The following KLHL25 variants were observed in gnomAD, a reference collection of about 807,000 sequenced individuals.
KLHL25 encodes kelch like family member 25.
In KLHL25, 41 loss-of-function variants were observed where a neutral mutation model predicts 30.0. That is an observed-to-expected ratio of 1.37 (90% CI 1.07 to 1.78). The LOEUF is 1.78. Ranked by LOEUF, KLHL25 falls within the 40% of genes most tolerant of loss-of-function variation. The pLI is 0.00. For missense variants in KLHL25, 971 were observed against 824.5 expected (o/e 1.18, Z -2.18); for synonymous variants, 399 against 355.3 (o/e 1.12, Z -1.38).
Position 85,768,770 on chromosome 15 carries a change from G to A in KLHL25, c.1041C>T (p.Gly347=). The part of the protein sequence containing the change: ...AIGCKVYVTG[G]RGSENGVSKD... ...TGGAGACCCCGTTCTCGGAGCCCCTGCCCCCCGTCACATAGACCTTGCAGC... is the reference window on the plus strand; with the variant it reads ...TGGAGACCCCGTTCTCGGAGCCCCTACCCCCCGTCACATAGACCTTGCAGC... The change falls in exon 2 of 3, where the codon GGC becomes GGT. Residue 347 remains glycine (G), a synonymous_variant. Coordinates refer to ENST00000337975, the MANE Select transcript of KLHL25 (RefSeq NM_022480.4). 1 of 1,612,976 alleles carries A rather than the reference G, an allele frequency of 6.2e-7. No homozygotes were observed. Among genetic ancestry groups the A allele is most frequent in the South Asian group, 1.1e-5 (1 of 91,078 alleles).
Position 85,789,147 on chromosome 15 carries a change from G to A in KLHL25, c.-11+5619C>T, listed in dbSNP as rs1414181780. Among the ~76,000 whole-genome samples, 1 of 145,774 alleles carries A rather than the reference G, an allele frequency of 6.9e-6. No homozygotes were observed. Among genetic ancestry groups the A allele is most frequent in the Non-Finnish European group, 1.5e-5 (1 of 64,904 alleles). ...CAAAAAATGTAAGCAAGGCTTTTTT[G>A]TCTCCATCCTTTCCCTGCATCCTAC... On this transcript the variant is annotated intron_variant, in intron 1 of 2. Transcript: ENST00000337975. This position sits in a 1 kb window ranked among gnomAD's most constrained non-coding sequence, Gnocchi z 4.1.
intron 1 of KLHL25, among the ~76,000 whole-genome samples, chr15:85,794,397 C>T (rs34362339): frequency 0.2 from 30,147 of 152,284 alleles, 3,155 homozygotes; most frequent in Middle Eastern, 0.3. Flanking sequence ...GACAAGCAGT[C>T]TCTCTTTCCA....
chr15:85,769,960 C>A (rs2089660130), intron 1 of KLHL25, 140 bp from the exon 2 acceptor site: 2 of 704,140 alleles, frequency 2.8e-6, no homozygotes, highest in African/African-American at 1.8e-5. Context: ...CCCTCTCCCG[C>A]AACCACGTTG....
intron 1 of KLHL25, among the ~76,000 whole-genome samples, chr15:85,774,790 T>C (rs994419847): frequency 6.6e-6 from 1 of 152,026 alleles, no homozygotes. Context: ...AAATTATCTC[T>C]GGAGCTCAGG....
At chr15:85,770,665 C>A (rs954727268) in intron 1 of KLHL25, 2 of 441,960 alleles carry the variant, frequency 4.5e-6, no homozygotes, top group African/African-American at 2.0e-5. Flanking sequence ...CATGCCGAAC[C>A]CTAACGGAAG....
chr15:85,786,197 C>T (rs2542607), intron 1 of KLHL25, among the ~76,000 whole-genome samples: 41,221 of 152,016 alleles, frequency 0.27, 5,873 homozygotes, highest in South Asian at 0.38. Context: ...CTTGGTTACC[C>T]TCTCCCTTCC....
chr15:85,761,772 C>G (rs2089584858), intron 2 of KLHL25: 1 of 152,284 alleles, frequency 6.6e-6, no homozygotes, highest in Admixed American at 6.5e-5. Context: ...CCTGAGTGTT[C>G]ATGCACTCCA....
At chr15:85,781,206 G>A (rs550569817) in intron 1 of KLHL25, among the ~76,000 whole-genome samples, 79 of 152,242 alleles carry the variant, frequency 5.2e-4, no homozygotes, top group African/African-American at 1.5e-3. Flanking sequence ...ATCCCAGCCC[G>A]TATCAATGAA....
intron 1 of KLHL25, among the ~76,000 whole-genome samples, chr15:85,785,339 T>C (rs1225027815): frequency 6.6e-6 from 1 of 152,186 alleles, no homozygotes; most frequent in Non-Finnish European, 1.5e-5. Context: ...GTGATCTGCC[T>C]GCCTCAGCCT....
chr15:85,791,892 G>A (rs552869216), intron 1 of KLHL25, among the ~76,000 whole-genome samples: 2 of 152,250 alleles, frequency 1.3e-5, no homozygotes, highest in African/African-American at 4.8e-5. Flanking sequence ...CCCCAGTCTG[G>A]TGCCAAAGCC....
rs752546527 is a variant in KLHL25 at position 85,769,496 on chromosome 15, G to C, written c.315C>G (p.Ala105=). 1.9e-6 allele frequency: 3 copies of C among 1,614,046 alleles called. No individual in the cohort carries two copies. The highest frequency in any genetic ancestry group is 2.2e-5 in the East Asian group (1 of 44,888). ...PEVLELLLDF[A]YSSRIAINEE... is the part of the protein sequence containing the mutation. ...CGTTGATGGCGATGCGTGAGGAGTA[G>C]GCAAAGTCCAGCAGCAGCTCCAGCA... The change falls in exon 2 of 3, where the codon GCC becomes GCG. Residue 105 remains alanine, a synonymous_variant. Transcript: ENST00000337975.
At chr15:85,772,444 T>C (rs2089682511) in intron 1 of KLHL25, among the ~76,000 whole-genome samples, 3 of 152,224 alleles carry the variant, frequency 2.0e-5, no homozygotes, top group Admixed American at 6.5e-5. Context: ...GAACGGCAGC[T>C]TGAATGCCTG....
At chr15:85,767,955 G>A (rs1243571860) in intron 2 of KLHL25, 62 bp downstream of exon 2, 4 of 1,079,428 alleles carry the variant, frequency 3.7e-6, no homozygotes, top group African/African-American at 1.6e-5. Context: ...GGGAAGAGGT[G>A]GGACTGCATT....
At chr15:85,792,018 C>T (rs935216051) in intron 1 of KLHL25, among the ~76,000 whole-genome samples, 4 of 152,178 alleles carry the variant, frequency 2.6e-5, no homozygotes, top group African/African-American at 9.7e-5. Context: ...TTTCTAACAG[C>T]CCCAGAAGGA....
In KLHL25 at chr15:85,768,760, C is replaced by T. The variant is rs368156822; in HGVS notation, c.1051G>A (p.Glu351Lys). 5.4e-5 allele frequency: 87 copies of T among 1,612,890 alleles called. No individual in the cohort carries two copies. The highest frequency in any genetic ancestry group is 6.7e-5 in the Non-Finnish European group (79 of 1,179,888). ...KVYVTGGRGS[E>K]NGVSKDVWVY... is the part of the protein sequence containing the mutation. ...CAGACATCCTTGGAGACCCCGTTCT[C>T]GGAGCCCCTGCCCCCCGTCACATAG... is the stretch of plus-strand genomic sequence containing the variant. Residue 351 changes from glutamate to lysine, a missense_variant, in exon 2 of 3, where the codon GAG becomes AAG. Coordinates refer to ENST00000337975, the MANE Select transcript of KLHL25 (RefSeq NM_022480.4).
At chr15:85,784,117 G>C (rs563186035) in intron 1 of KLHL25, among the ~76,000 whole-genome samples, 14 of 152,334 alleles carry the variant, frequency 9.2e-5, no homozygotes, top group African/African-American at 3.4e-4. Context: ...TCATGACAGA[G>C]ATTTTCAAAT....
At chr15:85,765,832 A>AAG (rs1353945493) in intron 2 of KLHL25, among the ~76,000 whole-genome samples, 1 of 151,248 alleles carries the variant, frequency 6.6e-6, no homozygotes, top group Non-Finnish European at 1.5e-5. Context: ...CTGTCTCAAA[A>AAG]AAAAAAAAAA....
intron 1 of KLHL25, among the ~76,000 whole-genome samples, chr15:85,782,483 A>T (rs1193148700): frequency 1.7e-5 from 2 of 119,754 alleles, no homozygotes; most frequent in Non-Finnish European, 3.5e-5. Context: ...TCCCACCCCC[A>T]GCCCCTCTTC....
intron 1 of KLHL25, among the ~76,000 whole-genome samples, chr15:85,773,984 T>C (rs542433295): frequency 1.1e-4 from 16 of 151,992 alleles, no homozygotes; most frequent in Non-Finnish European, 2.2e-4. Context: ...ACCAGAAGAA[T>C]GGTTGTGTGT....
Sources: gnomAD v4.1 joint callset for allele counts (sites outside exome capture counted in the v4.1 genomes callset) on GRCh38, gnomAD v4.1.1 for gene constraint, Gnocchi (gnomAD v3.1) non-coding constraint, MANE v1.5 for transcripts, NCBI Gene and HGNC (gene_info 2026-07-23, HGNC 2026-07-21) for gene names.